TUBA8: variants seen among roughly 807,000 people sequenced by gnomAD.
The protein encoded by TUBA8 is tubulin alpha-8 chain.
In TUBA8, 29 loss-of-function variants were observed where a neutral mutation model predicts 34.7. That is an observed-to-expected ratio of 0.84 (90% CI 0.62 to 1.14). TUBA8 has a LOEUF of 1.14. Ranked by LOEUF, TUBA8 falls within the 50% of genes most tolerant of loss-of-function variation. TUBA8 has a pLI of 0.00. For missense variants in TUBA8, 541 were observed against 599.2 expected (o/e 0.90, Z 1.01); for synonymous variants, 226 against 231.2 (o/e 0.98, Z 0.21).
In TUBA8 at chr22:18,110,987, G is replaced by A. The variant is rs1185408392; in HGVS notation, c.3+119G>A. 4.1e-6 allele frequency: 6 copies of A among 1,476,440 alleles called. No individual in the cohort carries two copies. The highest frequency in any genetic ancestry group is 1.4e-5 in the African/African-American group (1 of 71,526). 91.5% of individuals were successfully genotyped at this position (1,476,440 alleles called of 1,614,324 possible). ...GGAGCCGCAGGGCTCAAGGCCTTCT[G>A]GGGGTGGCAGTTCAGGGTCGAGGAG... On this transcript the variant is annotated intron_variant, in intron 1 of 4. Transcript: ENST00000330423. This position sits in a 1 kb window ranked among gnomAD's most constrained non-coding sequence, Gnocchi z 6.2.
intron 1 of TUBA8, chr22:18,112,515 T>G (rs1927844139): frequency 6.6e-6 from 1 of 152,316 alleles, no homozygotes; most frequent in East Asian, 1.9e-4. Flanking sequence ...TGGTACAGAG[T>G]GGAGCCCAGA....
chr22:18,130,515 T>C (rs1459727581), intron 4 of TUBA8: 1 of 404,634 alleles, frequency 2.5e-6, no homozygotes, highest in South Asian at 2.4e-5. Context: ...CTTGACCTCA[T>C]GGGCTCAAGT....
In TUBA8 at chr22:18,131,306, A is replaced by G; in HGVS notation, c.*170A>G. On this transcript the variant is annotated 3_prime_UTR_variant, in exon 5 of 5. Coordinates refer to ENST00000330423, the MANE Select transcript of TUBA8 (RefSeq NM_018943.3). This position sits in a 1 kb window ranked among gnomAD's most constrained non-coding sequence, Gnocchi z 5.3. ...GCACGACTGGGCTAAGTGGACACTG[A>G]GCTTCATCAGGCCCTCCCTGGGTAG... 1.5e-6 allele frequency: 1 copy of G among 663,402 alleles called. No homozygotes were observed. Among genetic ancestry groups the G allele is most frequent in the South Asian group, 1.8e-5 (1 of 54,578 alleles). 41.1% of individuals were successfully genotyped at this position (663,402 alleles called of 1,614,324 possible).
In TUBA8 at chr22:18,124,453, A is replaced by G. The variant is rs547546303; in HGVS notation, c.375+149A>G. The G allele has an allele frequency of 4.0e-4, 381 of 943,246 alleles. No individual in the cohort carries two copies. The highest frequency in any genetic ancestry group is 5.5e-4 in the Non-Finnish European group (353 of 647,634). The allele number at this position is 943,246 out of a possible 1,614,324, so 58.4% of individuals were successfully genotyped here. A position where few individuals can be genotyped will look rare whatever the true frequency, so the allele number is the denominator to read the frequency against. ...TTGGGAATTTCTGCTTAAATTCTGT[A>G]AGAAGCATGCACAGGGGTGATGCCC... is the stretch of plus-strand genomic sequence containing the variant. On this transcript the variant is annotated intron_variant, in intron 3 of 4. Transcript: ENST00000330423. This position sits in a 1 kb window ranked among gnomAD's most constrained non-coding sequence, Gnocchi z 4.3.
intron 2 of TUBA8, chr22:18,122,016 AC>A: frequency 5.8e-6 from 2 of 342,302 alleles, no homozygotes; most frequent in Admixed American, 8.3e-5. Context: ...AAATTATAAG[AC>A]ACCCCTAAGT....
At chr22:18,127,805 C>G (rs1315240478) in intron 4 of TUBA8, 2 of 148,300 alleles carry the variant, frequency 1.3e-5, no homozygotes, top group Non-Finnish European at 3.0e-5. Context: ...TCACGCCATT[C>G]TCCTGCCTCA....
intron 1 of TUBA8, chr22:18,117,034 AG>A (rs1927997014): frequency 6.6e-6 from 1 of 152,216 alleles, no homozygotes; most frequent in Non-Finnish European, 1.5e-5. Flanking sequence ...GCCCAGGATA[AG>A]GGGGTTCTGG....
chr22:18,114,396 G>C (rs1386455945), intron 1 of TUBA8: 1 of 152,250 alleles, frequency 6.6e-6, no homozygotes, highest in Non-Finnish European at 1.5e-5. Context: ...CCTATCATCT[G>C]AGCCCCTCTC....
At position 18,126,957 on chromosome 22, in the gene TUBA8, G is replaced by C. The variant is rs923949419; in HGVS notation, c.979G>C (p.Asp327His). 1 of 1,613,640 alleles carries C rather than the reference G, an allele frequency of 6.2e-7. No homozygotes were observed. The highest frequency in any genetic ancestry group is 1.7e-5 in the Admixed American group (1 of 59,972). Residue 327 changes from aspartate to histidine, a missense_variant, in exon 4 of 5, where the codon GAT (aspartate) becomes CAT (histidine). By Grantham distance (81) the Asp-to-His change is moderately conservative. Coordinates refer to ENST00000330423, the MANE Select transcript of TUBA8 (RefSeq NM_018943.3). This position sits in a 1 kb window ranked among gnomAD's most constrained non-coding sequence, Gnocchi z 4.0. ...CTACCGGGGCGACGTGGTGCCCAAG[G>C]ATGTGAATGTCGCTATTGCTGCCAT... ...MLYRGDVVPKDVNVAIAAIKT... is the reference protein window; with the variant it reads ...MLYRGDVVPKHVNVAIAAIKT...
chr22:18,111,955 C>T lies in TUBA8; in HGVS notation c.3+1087C>T, dbSNP rs1436323039. 3 of 152,234 alleles carry T rather than the reference C, an allele frequency of 2.0e-5. No individual in the cohort carries two copies. The highest frequency in any genetic ancestry group is 2.9e-5 in the Non-Finnish European group (2 of 68,068). The allele number at this position is 152,234 out of a possible 1,614,324, so 9.4% of individuals were successfully genotyped here. The stretch of plus-strand genomic sequence containing the variant: ...TTCCAGCTTCAGTTTTGTCAGCACC[C>T]TCCCTCCTCCTAGCGGGCTCCCAGA... On this transcript the variant is annotated intron_variant, in intron 1 of 4. Transcript: ENST00000330423. The surrounding 1 kb of genome is among the most constrained non-coding windows in gnomAD (Gnocchi z 5.1).
At chr22:18,113,528 C>A (rs903952630) in intron 1 of TUBA8, 1 of 152,262 alleles carries the variant, frequency 6.6e-6, no homozygotes, top group Admixed American at 6.5e-5. Flanking sequence ...AACACGGCTT[C>A]TTTAACTCCA....
In TUBA8 at chr22:18,124,249, A is replaced by G. The variant is rs751151355; in HGVS notation, c.320A>G (p.His107Arg). The G allele has an allele frequency of 6.2e-7, 1 of 1,614,184 alleles. No individual in the cohort carries two copies. The highest frequency in any genetic ancestry group is 8.5e-7 in the Non-Finnish European group (1 of 1,180,030). Residue 107 changes from histidine (H) to arginine (R), a missense_variant, in exon 3 of 5, where the codon CAC becomes CGC. By Grantham distance (29) the His-to-Arg change is conservative (BLOSUM62 0). Transcript: ENST00000330423. This position sits in a 1 kb window ranked among gnomAD's most constrained non-coding sequence, Gnocchi z 4.3. ...EDAANNYARGHYTVGKESIDL... is the reference protein window; with the variant it reads ...EDAANNYARGRYTVGKESIDL... ...GCAGCCAACAACTATGCCCGGGGCC[A>G]CTACACGGTGGGCAAGGAGAGCATT...
At chr22:18,115,149 T>C (rs1200181233) in intron 1 of TUBA8, 1 of 152,260 alleles carries the variant, frequency 6.6e-6, no homozygotes, top group Admixed American at 6.5e-5. Context: ...AGATGTCTCA[T>C]TGGCCCTGCC....
rs1372336753 is a variant in TUBA8, at chr22:18,111,993, CT to C, written c.3+1126del. ...GCGGGCTCCCAGACACCCCTGGGAA[CT>C]GAAAGAACTTGGGAATATTAGGGAG... is the stretch of plus-strand genomic sequence containing the variant. On this transcript the variant is annotated intron_variant, in intron 1 of 4. Transcript: ENST00000330423. The surrounding 1 kb of genome is among the most constrained non-coding windows in gnomAD (Gnocchi z 5.1). 1.3e-5 allele frequency: 2 copies of C among 152,142 alleles called. No homozygotes were observed. Among genetic ancestry groups the C allele is most frequent in the Non-Finnish European group, 2.9e-5 (2 of 68,028 alleles). 9.4% of individuals were successfully genotyped at this position (152,142 alleles called of 1,614,324 possible).
chr22:18,116,380 GA>G (rs1927975252), intron 1 of TUBA8: 1 of 152,272 alleles, frequency 6.6e-6, no homozygotes. Flanking sequence ...TGGCCTAAAA[GA>G]AAGAAGTCAG....
Position 18,121,497 on chromosome 22 carries a change from C to T in TUBA8, c.22C>T (p.His8Tyr), listed in dbSNP as rs766860426. 1.5e-5 allele frequency: 24 copies of T among 1,614,080 alleles called. No individual in the cohort carries two copies. Among genetic ancestry groups the T allele is most frequent in the Non-Finnish European group, 1.9e-5 (23 of 1,180,044 alleles). Residue 8 changes from histidine (H) to tyrosine (Y), a missense_variant, in exon 2 of 5, where the codon CAC (histidine) becomes TAC (tyrosine). Transcript: ENST00000330423. The surrounding 1 kb of genome is among the most constrained non-coding windows in gnomAD (Gnocchi z 4.8). MRECISV[H>Y]VGQAGVQIGN... ...CCCACAGCGGGAATGCATATCAGTC[C>T]ACGTGGGCCAAGCGGGAGTTCAGAT...
intron 1 of TUBA8, chr22:18,116,236 C>T (rs921453834): frequency 6.6e-6 from 1 of 152,180 alleles, no homozygotes; most frequent in African/African-American, 2.4e-5. Flanking sequence ...ATGAGCCATT[C>T]GCCATTTCGC....
In TUBA8 at chr22:18,131,451, C is replaced by T. The variant is rs1928512921; in HGVS notation, c.*315C>T. The stretch of plus-strand genomic sequence containing the variant: ...TTTCAATTCCAGATCGGGCTGGGTC[C>T]AGCCCCAAAACATGGCCTGCTGGCT... On this transcript the variant is annotated 3_prime_UTR_variant, in exon 5 of 5. Coordinates refer to ENST00000330423, the MANE Select transcript of TUBA8 (RefSeq NM_018943.3). This position sits in a 1 kb window ranked among gnomAD's most constrained non-coding sequence, Gnocchi z 5.3. The T allele has an allele frequency of 5.4e-6, 2 of 371,988 alleles. No homozygotes were observed. The highest frequency in any genetic ancestry group is 1.0e-5 in the Non-Finnish European group (2 of 197,202). The allele number at this position is 371,988 out of a possible 1,614,324, so 23.0% of individuals were successfully genotyped here.
At position 18,111,906 on chromosome 22, in the gene TUBA8, C is replaced by T. The variant is rs1927824942; in HGVS notation, c.3+1038C>T. 1 of 152,232 alleles carries T rather than the reference C, an allele frequency of 6.6e-6. No individual in the cohort carries two copies. 9.4% of individuals were successfully genotyped at this position (152,232 alleles called of 1,614,324 possible). Reference sequence around the variant, plus strand: ...TACGTTTGGCCCGTGCCCAGGGCCTCCTGGCTCCCCCGGAGCTCTAGCCTT... The same window carrying T: ...TACGTTTGGCCCGTGCCCAGGGCCTTCTGGCTCCCCCGGAGCTCTAGCCTT... On this transcript the variant is annotated intron_variant, in intron 1 of 4. Transcript: ENST00000330423. This position sits in a 1 kb window ranked among gnomAD's most constrained non-coding sequence, Gnocchi z 5.1.
Sources: gnomAD v4.1 joint callset for allele counts on GRCh38, gnomAD v4.1.1 for gene constraint, Gnocchi (gnomAD v3.1) non-coding constraint, MANE v1.5 for transcripts, NCBI Gene and HGNC (gene_info 2026-07-23, HGNC 2026-07-21) for gene names.